CPT1A: variants seen among roughly 807,000 people sequenced by gnomAD.
CPT1A encodes the protein carnitine O-palmitoyltransferase 1, liver isoform.
Under a neutral mutation model 100.8 loss-of-function variants are expected in CPT1A, and 64 were observed. The observed-to-expected ratio is 0.63, with a 90% CI of 0.52 to 0.78. The LOEUF (loss-of-function observed/expected upper bound fraction) is 0.78, where lower values mean the gene tolerates loss of function less well. Ranked by LOEUF, CPT1A falls within the 30% of genes least tolerant of loss-of-function variation. The pLI is 0.00. For missense variants in CPT1A, 802 were observed against 1,034.1 expected (o/e 0.78, Z 3.08); for synonymous variants, 363 against 396.0 (o/e 0.92, Z 0.99).
At chr11:68,760,163 C>T (rs1019328029) in intron 17 of CPT1A, 62 bp downstream of exon 17, 16 of 1,190,948 alleles carry the variant, frequency 1.3e-5, no homozygotes, top group Admixed American at 2.0e-5. Context: ...GGGCCCATCA[C>T]ACCCCATTAC....
chr11:68,773,771 A>C (rs567134451), intron 13 of CPT1A: 61 of 331,098 alleles, frequency 1.8e-4, no homozygotes, highest in African/African-American at 1.3e-3. Flanking sequence ...GTGCCAGGGA[A>C]AGGCAGTCTC....
chr11:68,785,431 T>C (rs1052748805), intron 9 of CPT1A, among the ~76,000 whole-genome samples: 1 of 151,584 alleles, frequency 6.6e-6, no homozygotes, highest in Non-Finnish European at 1.5e-5. Flanking sequence ...TGTGGTGACA[T>C]GCACCTCTAG....
chr11:68,788,949 T>C (rs1232967067), intron 9 of CPT1A, among the ~76,000 whole-genome samples: 1 of 152,178 alleles, frequency 6.6e-6, no homozygotes, highest in Non-Finnish European at 1.5e-5. Flanking sequence ...AGGTGCCTGC[T>C]CTACAGACTG....
chr11:68,797,433 G>A (rs922145978), intron 6 of CPT1A, among the ~76,000 whole-genome samples: 6 of 152,172 alleles, frequency 3.9e-5, no homozygotes, highest in African/African-American at 1.4e-4. Context: ...CACTTTGGGA[G>A]GTTGAGACAG....
At chr11:68,807,705 T>G in intron 3 of CPT1A, 67 bp from the exon 4 acceptor site, 1 of 1,521,868 alleles carries the variant, frequency 6.6e-7, no homozygotes, top group Non-Finnish European at 9.0e-7. Context: ...ACACCACCGG[T>G]GACGCCACAG....
At chr11:68,778,804 G>GTAAAAAAAAAAAAAA (rs1594332058) in intron 12 of CPT1A, among the ~76,000 whole-genome samples, 1 of 147,462 alleles carries the variant, frequency 6.8e-6, no homozygotes, top group South Asian at 2.2e-4. Context: ...TTTTTTTTTT[G>GTAAAAAAAAAAAAAA]AGATGGAGTC....
At chr11:68,802,896 C>CAAAAAAAAAAAAAAAAA (rs901808584) in intron 5 of CPT1A, among the ~76,000 whole-genome samples, 7 of 44,940 alleles carry the variant, frequency 1.6e-4, no homozygotes, top group Admixed American at 2.6e-4. Flanking sequence ...GACCCTGTCT[C>CAAAAAAAAAAAAAAAAA]AAAAAAAAAA....
At chr11:68,796,999 AG>A in intron 6 of CPT1A, 66 bp from the exon 7 acceptor site, 1 of 1,526,386 alleles carries the variant, frequency 6.6e-7, no homozygotes, top group Non-Finnish European at 9.0e-7. Context: ...CCCTGGCAGC[AG>A]CCCAGAGCCG....
chr11:68,793,418 A>G lies in CPT1A; in HGVS notation c.880-16T>C. On this transcript the variant is annotated splice_polypyrimidine_tract_variant and intron_variant, in intron 8 of 18. Transcript: ENST00000265641. Reference sequence around the variant, plus strand: ...AAAGACGAATCTGTAACAAAAATATATTTCAAACCAACAACGAAAATCCCA... The same window carrying G: ...AAAGACGAATCTGTAACAAAAATATGTTTCAAACCAACAACGAAAATCCCA... 2 of 1,596,358 alleles carry G rather than the reference A, an allele frequency of 1.3e-6. No individual in the cohort carries two copies. Among genetic ancestry groups the G allele is most frequent in the Non-Finnish European group, 1.7e-6 (2 of 1,168,584 alleles).
Position 68,794,803 on chromosome 11 carries a change from C to T in CPT1A, c.879+1G>A. On this transcript the variant is annotated splice_donor_variant, in intron 8 of 18. Coordinates refer to ENST00000265641, the MANE Select transcript of CPT1A (RefSeq NM_001876.4). LOFTEE classifies it high-confidence loss of function. Reference sequence around the variant, plus strand: ...TTTTTTAAAGCAATTTGTTTGCCTACTGGTTTGATTTCCTCCCGGTCCAGT... The same window carrying T: ...TTTTTTAAAGCAATTTGTTTGCCTATTGGTTTGATTTCCTCCCGGTCCAGT... 2 of 1,612,584 alleles carry T rather than the reference C, an allele frequency of 1.2e-6. No homozygotes were observed. Among genetic ancestry groups the T allele is most frequent in the South Asian group, 2.2e-5 (2 of 91,038 alleles).
intron 15 of CPT1A, among the ~76,000 whole-genome samples, chr11:68,761,993 G>T (rs1854639405): frequency 1.3e-5 from 2 of 152,142 alleles, no homozygotes; most frequent in African/African-American, 4.8e-5. Flanking sequence ...GAAAGCACCT[G>T]CACGCTCTGG....
chr11:68,771,215 AG>A (rs1435007815), intron 14 of CPT1A, among the ~76,000 whole-genome samples: 4 of 152,204 alleles, frequency 2.6e-5, no homozygotes, highest in Non-Finnish European at 5.9e-5. Context: ...TTCTACCTTG[AG>A]TCAACGTCAC....
rs2153994511 is a variant in CPT1A at position 68,757,695 on chromosome 11, T to G, written c.2271A>C (p.Ala757=). Residue 757 remains alanine (A), a synonymous_variant, in exon 19 of 19, where the codon GCA becomes GCC. Coordinates refer to ENST00000265641, the MANE Select transcript of CPT1A (RefSeq NM_001876.4). The stretch of plus-strand genomic sequence containing the variant: ...CAAACAAAGTGATGATGTCAGTCAT[T>G]GCTTCTTTCAGGTGCCTTCCAAAGC... ...SHRFGRHLKE[A]MTDIITLFGL... 5 of 1,614,202 alleles carry G rather than the reference T, an allele frequency of 3.1e-6. No homozygotes were observed. The highest frequency in any genetic ancestry group is 4.2e-6 in the Non-Finnish European group (5 of 1,180,040).
chr11:68,823,387 C>T (rs1856636185), intron 1 of CPT1A, among the ~76,000 whole-genome samples: 1 of 152,188 alleles, frequency 6.6e-6, no homozygotes, highest in African/African-American at 2.4e-5. Context: ...CCTAACCATT[C>T]TCTCCTCAAA....
At chr11:68,804,522 A>G (rs1855992850) in intron 4 of CPT1A, among the ~76,000 whole-genome samples, 1 of 152,176 alleles carries the variant, frequency 6.6e-6, no homozygotes, top group South Asian at 2.1e-4. Context: ...TGGGAGGGTG[A>G]TGCTGCAGTG....
chr11:68,813,354 A>C (rs1239091108), intron 2 of CPT1A, among the ~76,000 whole-genome samples: 1 of 151,806 alleles, frequency 6.6e-6, no homozygotes, highest in Non-Finnish European at 1.5e-5. Flanking sequence ...AACATGGTGA[A>C]ATCCTGTTTC....
chr11:68,807,069 C>T (rs747203481), intron 4 of CPT1A, among the ~76,000 whole-genome samples: 16 of 152,140 alleles, frequency 1.1e-4, no homozygotes, highest in Non-Finnish European at 1.9e-4. Context: ...CCAAAGCAAG[C>T]TGGAGGAACA....
chr11:68,776,418 A>C (rs1855140613), intron 12 of CPT1A, among the ~76,000 whole-genome samples: 1 of 152,188 alleles, frequency 6.6e-6, no homozygotes, highest in Non-Finnish European at 1.5e-5. Context: ...AAGAAAAGAA[A>C]GCGAAAGAAA....
chr11:68,801,008 C>G (rs779369722), intron 5 of CPT1A, among the ~76,000 whole-genome samples: 8 of 150,772 alleles, frequency 5.3e-5, no homozygotes, highest in Non-Finnish European at 1.2e-4. Context: ...ACTTGGGAGG[C>G]TAAGGCAGGA....
Sources: allele counts gnomAD v4.1 joint callset (sites outside exome capture counted in the v4.1 genomes callset), GRCh38; gene constraint gnomAD v4.1.1; transcripts MANE v1.5; gene names NCBI Gene and HGNC (gene_info 2026-07-23, HGNC 2026-07-21).